PCNP: variants seen among roughly 807,000 people sequenced by gnomAD.
PCNP encodes the protein PEST proteolytic signal-containing nuclear protein.
In PCNP, 6 loss-of-function variants were observed where a neutral mutation model predicts 21.8. That is an observed-to-expected ratio of 0.28 (90% CI 0.15 to 0.54). PCNP has a LOEUF of 0.54. Ranked by LOEUF, PCNP falls within the 20% of genes least tolerant of loss-of-function variation. PCNP has a pLI of 0.95. For missense variants in PCNP, 161 were observed against 215.5 expected (o/e 0.75, Z 1.58); for synonymous variants, 67 against 73.2 (o/e 0.92, Z 0.43).
intron 1 of PCNP, chr3:101,574,987 T>C (rs1385898899): frequency 2.0e-5 from 3 of 152,244 alleles, no homozygotes; most frequent in Non-Finnish European, 2.9e-5. Context: ...AGCTGACCGC[T>C]TGCCAGATAC....
At position 101,585,525 on chromosome 3, in the gene PCNP, G is replaced by T. The variant is rs371378423; in HGVS notation, c.354+14G>T. On this transcript the variant is annotated intron_variant, in intron 3 of 4. Coordinates refer to ENST00000265260, the MANE Select transcript of PCNP (RefSeq NM_020357.3). Reference sequence around the variant, plus strand: ...GAAGATGAAGATGTAAGTTGATATCGAGTTTTGTTTTTTTACTTTAACCAG... The same window carrying T: ...GAAGATGAAGATGTAAGTTGATATCTAGTTTTGTTTTTTTACTTTAACCAG... 1.5e-5 allele frequency: 23 copies of T among 1,577,970 alleles called. No homozygotes were observed. The highest frequency in any genetic ancestry group is 2.0e-5 in the Non-Finnish European group (23 of 1,153,292).
In PCNP at chr3:101,586,571, T is replaced by TGTGTGTGTGTGTGA; in HGVS notation, c.354+1061_354+1062insTGTGTGTGTGTGAG. Among the ~76,000 whole-genome samples, 335 of 114,172 alleles carry TGTGTGTGTGTGTGA rather than the reference T, an allele frequency of 2.9e-3. 3 individuals carry two copies. The highest frequency in any genetic ancestry group is 9.4e-3 in the African/African-American group (309 of 32,922). The allele number at this position is 114,172 out of a possible 152,430, so 74.9% of individuals were successfully genotyped here. A position where few individuals can be genotyped will look rare whatever the true frequency, so the allele number is the denominator to read the frequency against. ...GTGTGTGTGTGTGTGTGTGTGTGTG[T>TGTGTGTGTGTGTGA]GAGAGAGAGAGAGAGAGAGTTTCTT... is the stretch of plus-strand genomic sequence containing the variant. On this transcript the variant is annotated intron_variant, in intron 3 of 4. Coordinates refer to ENST00000265260, the MANE Select transcript of PCNP (RefSeq NM_020357.3).
At position 101,594,267 on chromosome 3, in the gene PCNP, G is replaced by T. The variant is rs187281302; in HGVS notation, c.*1514G>T. Reference sequence around the variant, plus strand: ...ATACATGAATTTAACTTACTTTAATGTAGGCAAACTATCAATTTTTTGTCC... The same window carrying T: ...ATACATGAATTTAACTTACTTTAATTTAGGCAAACTATCAATTTTTTGTCC... On this transcript the variant is annotated 3_prime_UTR_variant, in exon 5 of 5. Transcript: ENST00000265260. 6.6e-6 allele frequency: 1 copy of T among 152,532 alleles called. No homozygotes were observed. The highest frequency in any genetic ancestry group is 1.5e-5 in the Non-Finnish European group (1 of 68,020). 9.4% of individuals were successfully genotyped at this position (152,532 alleles called of 1,614,324 possible). A position where few individuals can be genotyped will look rare whatever the true frequency, so the allele number is the denominator to read the frequency against.
intron 3 of PCNP, among the ~76,000 whole-genome samples, chr3:101,587,297 G>T (rs923783510): frequency 6.6e-6 from 1 of 151,912 alleles, no homozygotes; most frequent in African/African-American, 2.4e-5. Context: ...CAATTTTCAG[G>T]TCACAAGCAG....
intron 1 of PCNP, chr3:101,576,722 G>A (rs1576603872): frequency 1.2e-6 from 2 of 1,611,894 alleles, no homozygotes; most frequent in Non-Finnish European, 8.5e-7. Context: ...ATCTTGTACT[G>A]GCGTGGATTC....
intron 2 of PCNP, among the ~76,000 whole-genome samples, chr3:101,584,250 A>G (rs1935377567): frequency 6.6e-6 from 1 of 152,180 alleles, no homozygotes; most frequent in Non-Finnish European, 1.5e-5. Context: ...AATGAATGAA[A>G]TCGACCAGAG....
chr3:101,578,913 CCTT>C (rs1194360525), intron 1 of PCNP, among the ~76,000 whole-genome samples: 6 of 152,134 alleles, frequency 3.9e-5, no homozygotes, highest in Non-Finnish European at 4.4e-5. Flanking sequence ...CATCAGCCAG[CCTT>C]CTTCTGTCTT....
chr3:101,577,875 C>T (rs191607904), intron 1 of PCNP, among the ~76,000 whole-genome samples: 3 of 152,262 alleles, frequency 2.0e-5, no homozygotes, highest in Non-Finnish European at 2.9e-5. Context: ...AGGCTCACCC[C>T]TCTCCAACTA....
At chr3:101,588,226 G>A (rs532014178) in intron 3 of PCNP, among the ~76,000 whole-genome samples, 16 of 152,136 alleles carry the variant, frequency 1.1e-4, no homozygotes, top group Non-Finnish European at 1.8e-4. Context: ...AGCCGAGATC[G>A]CGCCACTGCA....
At chr3:101,584,761 G>A (rs1935411243) in intron 2 of PCNP, among the ~76,000 whole-genome samples, 1 of 152,026 alleles carries the variant, frequency 6.6e-6, no homozygotes. Context: ...AGAGCACCTT[G>A]GGAGGCTGAG....
intron 1 of PCNP, among the ~76,000 whole-genome samples, chr3:101,578,772 C>T (rs537836239): frequency 6.6e-6 from 1 of 152,232 alleles, no homozygotes; most frequent in South Asian, 2.1e-4. Context: ...GTCCTGCTTT[C>T]TTAACTGTTA....
intron 1 of PCNP, chr3:101,576,704 A>C: frequency 1.9e-6 from 3 of 1,612,004 alleles, no homozygotes; most frequent in Non-Finnish European, 2.5e-6. Flanking sequence ...TTCAAGAACC[A>C]GTCTGGGATC....
intron 3 of PCNP, among the ~76,000 whole-genome samples, chr3:101,586,545 C>CGTGTGTGTGTGTGTGTGTGTGTGT (rs377617517): frequency 5.0e-5 from 5 of 99,774 alleles, no homozygotes; most frequent in East Asian, 3.0e-4. Context: ...GGCGTATATT[C>CGTGTGTGTGTGTGTGTGTGTGTGT]GTGTGTGTGT....
At chr3:101,577,523 A>G (rs1934987964) in intron 1 of PCNP, among the ~76,000 whole-genome samples, 1 of 152,160 alleles carries the variant, frequency 6.6e-6, no homozygotes, top group Non-Finnish European at 1.5e-5. Context: ...CTTATTAGGT[A>G]GTTTTTTCTT....
At position 101,576,588 on chromosome 3, in the gene PCNP, A is replaced by G. The variant is rs536009018; in HGVS notation, c.64+2309A>G. 134 of 1,596,202 alleles carry G rather than the reference A, an allele frequency of 8.4e-5. No individual in the cohort carries two copies. In the East Asian group the frequency reaches 1.4e-3, roughly 16 times the overall value. On this transcript the variant is annotated intron_variant, in intron 1 of 4. Transcript: ENST00000265260. ...GGCCCCAGAAGTGACGCAGCCCTCT[A>G]TGGGCCCGAATCTTCTTCAGTCGCT...
At chr3:101,581,235 A>G (rs1034552011) in intron 2 of PCNP, among the ~76,000 whole-genome samples, 5 of 152,140 alleles carry the variant, frequency 3.3e-5, no homozygotes, top group Non-Finnish European at 7.4e-5. Flanking sequence ...GTTTTTGTTT[A>G]ATATGTAGTT....
intron 1 of PCNP, chr3:101,574,975 C>T (rs150633319): frequency 1.3e-5 from 2 of 152,286 alleles, no homozygotes; most frequent in African/African-American, 4.8e-5. Context: ...TAGGCTGTTG[C>T]CAGCTGACCG....
At chr3:101,575,006 C>G (rs1934788789) in intron 1 of PCNP, 1 of 152,190 alleles carries the variant, frequency 6.6e-6, no homozygotes, top group Admixed American at 6.5e-5. Flanking sequence ...ACTTAGGCGA[C>G]TAAATAGTCT....
intron 4 of PCNP, among the ~76,000 whole-genome samples, chr3:101,591,766 GT>G (rs149888934): frequency 0.03 from 3,108 of 102,128 alleles, 104 homozygotes; most frequent in African/African-American, 0.1. Context: ...TGATTTTGGT[GT>G]TTTTTTTTTT....
Sources: allele counts gnomAD v4.1 joint callset (sites outside exome capture counted in the v4.1 genomes callset), GRCh38; gene constraint gnomAD v4.1.1; transcripts MANE v1.5; gene names NCBI Gene and HGNC (gene_info 2026-07-23, HGNC 2026-07-21).